Variants in LDHD observed in about 807,000 individuals in gnomAD.
LDHD encodes D-lactate dehydrogenase, mitochondrial.
In LDHD, 58 loss-of-function variants were observed where a neutral mutation model predicts 52.9. The observed-to-expected ratio is 1.10, with a 90% CI of 0.89 to 1.36. The LOEUF is 1.36. LDHD is among the 40% of genes most tolerant of loss of function. The probability of loss-of-function intolerance (pLI) is 0.00; values close to 1 mark genes in which losing one functional copy is unlikely to be tolerated. For missense variants in LDHD, 747 were observed against 668.0 expected (o/e 1.12, Z -1.30); for synonymous variants, 350 against 288.6 (o/e 1.21, Z -2.16).
chr16:75,115,640 G>C lies in LDHD; in HGVS notation c.93C>G (p.Phe31Leu). The change falls in exon 2 of 11, where the codon TTC becomes TTG. Residue 31 changes from phenylalanine to leucine, a missense_variant. Physicochemically the swap from Phe to Leu is conservative, Grantham distance 22 (BLOSUM62 0). Transcript: ENST00000450168. ...QKAKGELCRD[F>L]VEALKAVVGG... ...CCACCACGGCCTTCAGAGCCTCTAC[G>C]AAGTCCCTGCAGAGCTCTCCCTGCA... 3.1e-6 allele frequency: 5 copies of C among 1,610,222 alleles called. No individual in the cohort carries two copies. The highest frequency in any genetic ancestry group is 4.2e-6 in the Non-Finnish European group (5 of 1,178,510).
At chr16:75,113,009 G>T in intron 8 of LDHD, 85 bp from the exon 9 acceptor site, 2 of 951,958 alleles carry the variant, frequency 2.1e-6, no homozygotes, top group Non-Finnish European at 3.3e-6. Context: ...GGGTCGGAGG[G>T]CACTGGGCTT....
Position 75,116,709 on chromosome 16 carries a change from C to T in LDHD, c.12G>A (p.Leu4=), listed in dbSNP as rs376453813. ...ACAGCTCCCAGGTTGCAGACCTGAG[C>T]AGTCGGGCCATAGCCAGGCACTGGC... is the stretch of plus-strand genomic sequence containing the variant. MAR[L]LRSATWELFP... The change falls in exon 1 of 11, where the codon CTG becomes CTA. Residue 4 remains leucine (L), a synonymous_variant. Coordinates refer to ENST00000450168, the MANE Select transcript of LDHD (RefSeq NM_194436.3). The T allele has an allele frequency of 3.8e-5, 60 of 1,593,212 alleles. No individual in the cohort carries two copies. In the African/African-American group the frequency reaches 7.3e-4, roughly 19 times the overall value.
rs184025651 is a variant in LDHD, at chr16:75,114,624, C to G, written c.531G>C (p.Ala177=). ...MAATGASGTN[A]VRYGTMRDNV... is the part of the protein sequence containing the mutation. ...TGTCCCGCATGGTGCCGTAGCGGAC[C>G]GCGTTGGTCCCCGACGCCCCGGTGG... is the stretch of plus-strand genomic sequence containing the variant. The change falls in exon 5 of 11, where the codon GCG becomes GCC. Residue 177 remains alanine, a synonymous_variant. Transcript: ENST00000450168. The G allele has an allele frequency of 1.9e-3, 2,967 of 1,532,766 alleles. 106 individuals carry two copies. The Admixed American group carries it at 0.054, about 28-fold the overall frequency. The allele number at this position is 1,532,766 out of a possible 1,614,324, so 94.9% of individuals were successfully genotyped here.
At chr16:75,116,126 G>T (rs2036551037) in intron 1 of LDHD, among the ~76,000 whole-genome samples, 1 of 152,096 alleles carries the variant, frequency 6.6e-6, no homozygotes. Flanking sequence ...CTGAGCAACC[G>T]AAAAGATCCC....
At position 75,112,185 on chromosome 16, in the gene LDHD, C is replaced by T. The variant is rs555890309; in HGVS notation, c.*171G>A. 38 of 760,786 alleles carry T rather than the reference C, an allele frequency of 5.0e-5. No individual in the cohort carries two copies. The highest frequency in any genetic ancestry group is 6.2e-5 in the Non-Finnish European group (30 of 484,342). The allele number at this position is 760,786 out of a possible 1,614,324, so 47.1% of individuals were successfully genotyped here. A position where few individuals can be genotyped will look rare whatever the true frequency, so the allele number is the denominator to read the frequency against. ...CAGCCAGAGGGCCAGGGAGGTAACA[C>T]GGTGCTCAGGCTTCTCTCTGGGCCC... is the stretch of plus-strand genomic sequence containing the variant. On this transcript the variant is annotated 3_prime_UTR_variant, in exon 11 of 11. Transcript: ENST00000450168.
At position 75,116,754 on chromosome 16, in the gene LDHD, G is replaced by A. The variant is rs754425742; in HGVS notation, c.-34C>T. ...ACTGGCCAGAGGGTGTGAGCACTGG[G>A]TGGCAGGGTGACCAGTCAGCTACTG... is the stretch of plus-strand genomic sequence containing the variant. On this transcript the variant is annotated 5_prime_UTR_variant, in exon 1 of 11. Transcript: ENST00000450168. 2.1e-6 allele frequency: 3 copies of A among 1,446,574 alleles called. No individual in the cohort carries two copies. The highest frequency in any genetic ancestry group is 1.8e-4 in the Middle Eastern group (1 of 5,668). 89.6% of individuals were successfully genotyped at this position (1,446,574 alleles called of 1,614,324 possible). A position where few individuals can be genotyped will look rare whatever the true frequency, so the allele number is the denominator to read the frequency against.
intron 4 of LDHD, 68 bp from the exon 5 acceptor site, chr16:75,114,753 G>A (rs1214389880): frequency 1.3e-6 from 2 of 1,567,026 alleles, no homozygotes; most frequent in South Asian, 1.2e-5. Context: ...GGGGGAGGAA[G>A]GTCCCCTGAA....
intron 6 of LDHD, 29 bp downstream of exon 6, chr16:75,113,937 C>T: frequency 6.2e-7 from 1 of 1,606,574 alleles, no homozygotes; most frequent in East Asian, 2.2e-5. Flanking sequence ...CCAGGGAGCC[C>T]ACCCTGACTG....
chr16:75,116,433 G>C (rs80303707), intron 1 of LDHD, among the ~76,000 whole-genome samples: 60 of 152,270 alleles, frequency 3.9e-4, no homozygotes, highest in African/African-American at 1.0e-3. Flanking sequence ...GCATCCATTT[G>C]ACTCCCCCAG....
In LDHD at chr16:75,113,505, G is replaced by A. The variant is rs1402510725; in HGVS notation, c.1086+30C>T. ...GAAAGGGTTTGTGGGCCGAGCTGTG[G>A]GCCCCATCTGTACCCCAGCCCCAGC... On this transcript the variant is annotated intron_variant, in intron 8 of 10. Coordinates refer to ENST00000450168, the MANE Select transcript of LDHD (RefSeq NM_194436.3). The A allele has an allele frequency of 3.2e-6, 5 of 1,584,258 alleles. No individual in the cohort carries two copies. The Admixed American group carries it at 5.4e-5, about 17-fold the overall frequency.
Position 75,114,900 on chromosome 16 carries a change from C to G in LDHD, c.396G>C (p.Val132=), listed in dbSNP as rs756986498. 6.2e-7 allele frequency: 1 copy of G among 1,614,066 alleles called. No individual in the cohort carries two copies. The highest frequency in any genetic ancestry group is 2.2e-5 in the East Asian group (1 of 44,882). The stretch of plus-strand genomic sequence containing the variant: ...TGCGGGTGACACCTGGCTCCACCAC[C>G]ACAGAGAAGTCCTCCTGGTTCAGCT... ...ILELNQEDFS[V]VVEPGVTRKA... Residue 132 remains valine, a synonymous_variant, in exon 4 of 11, where the codon GTG becomes GTC. Coordinates refer to ENST00000450168, the MANE Select transcript of LDHD (RefSeq NM_194436.3).
rs907380327 is a variant in LDHD, at chr16:75,114,571, G to A, written c.584C>T (p.Pro195Leu). 3 of 1,531,874 alleles carry A rather than the reference G, an allele frequency of 2.0e-6. No homozygotes were observed. The African/African-American group carries it at 4.1e-5, about 21-fold the overall frequency. 94.9% of individuals were successfully genotyped at this position (1,531,874 alleles called of 1,614,324 possible). A position where few individuals can be genotyped will look rare whatever the true frequency, so the allele number is the denominator to read the frequency against. The change falls in exon 5 of 11, where the codon CCC (proline) becomes CTC (leucine). Residue 195 changes from proline (P) to leucine (L), a missense_variant. By Grantham distance (98) the Pro-to-Leu change is moderately conservative (BLOSUM62 -3). Transcript: ENST00000450168. ...DNVLNLEVVL[P>L]DGRLLHTAGR... ...CGCCGTGTGCAGCAGCCGCCCGTCG[G>A]GCAGCACCACCTCCAGGTTGAGCAC... is the stretch of plus-strand genomic sequence containing the variant.
Position 75,112,252 on chromosome 16 carries a change from G to T in LDHD, c.*104C>A. ...GATACAGTGGGCTCGCTGGCAGGAA[G>T]ACTGCCTCAGCATCTATTTCCTTGC... On this transcript the variant is annotated 3_prime_UTR_variant, in exon 11 of 11. Coordinates refer to ENST00000450168, the MANE Select transcript of LDHD (RefSeq NM_194436.3). 1 of 1,360,162 alleles carries T rather than the reference G, an allele frequency of 7.4e-7. No homozygotes were observed. The highest frequency in any genetic ancestry group is 1.0e-6 in the Non-Finnish European group (1 of 991,768). The allele number at this position is 1,360,162 out of a possible 1,614,324, so 84.3% of individuals were successfully genotyped here.
Position 75,114,045 on chromosome 16 carries a change from C to T in LDHD, c.750G>A (p.Thr250=), listed in dbSNP as rs561330205. 39 of 1,609,682 alleles carry T rather than the reference C, an allele frequency of 2.4e-5. No individual in the cohort carries two copies. The South Asian group carries it at 3.6e-4, about 15-fold the overall frequency. The part of the protein sequence containing the change: ...HPAPEATVAA[T]CAFPSVQAAV... ...CAGCCTGGACACTGGGGAACGCACA[C>T]GTGGCGGCCACTGTGGCCTCAGGGG... The change falls in exon 6 of 11, where the codon ACG becomes ACA. Residue 250 remains threonine (T), a synonymous_variant. Coordinates refer to ENST00000450168, the MANE Select transcript of LDHD (RefSeq NM_194436.3).
chr16:75,112,440 C>T lies in LDHD; in HGVS notation c.1371G>A (p.Val457=), dbSNP rs1248167974. Residue 457 remains valine, a synonymous_variant, in exon 11 of 11, where the codon GTG becomes GTA. Transcript: ENST00000450168. ...GCATGGTCTCCACGCCCACGGCGCC[C>T]ACCTCCTCCTGCAGCAGCTGCCGCT... ...MGKRQLLQEE[V]GAVGVETMRQ... is the part of the protein sequence containing the mutation. 12 of 1,613,354 alleles carry T rather than the reference C, an allele frequency of 7.4e-6. No individual in the cohort carries two copies. Among genetic ancestry groups the T allele is most frequent in the South Asian group, 1.1e-5 (1 of 91,086 alleles).
chr16:75,114,597 G>C lies in LDHD; in HGVS notation c.558C>G (p.Asn186Lys). ...GCAGCACCACCTCCAGGTTGAGCACGTTGTCCCGCATGGTGCCGTAGCGGA... is the reference window on the plus strand; with the variant it reads ...GCAGCACCACCTCCAGGTTGAGCACCTTGTCCCGCATGGTGCCGTAGCGGA... ...NAVRYGTMRD[N>K]VLNLEVVLPD... The change falls in exon 5 of 11, where the codon AAC becomes AAG. Residue 186 changes from asparagine to lysine, a missense_variant. Asn to Lys is a moderately conservative substitution (Grantham distance 94). Transcript: ENST00000450168. The C allele has an allele frequency of 6.5e-7, 1 of 1,534,540 alleles. No individual in the cohort carries two copies.
chr16:75,113,487 T>C (rs888136527), intron 8 of LDHD, 48 bp downstream of exon 8: 3 of 1,559,008 alleles, frequency 1.9e-6, no homozygotes, highest in African/African-American at 1.4e-5. Context: ...GAGGAAAGGG[T>C]TTGTGGGCCG....
chr16:75,112,604 G>GGCTTTGCT lies in LDHD; in HGVS notation c.1286_1287insAGCAAAGC (p.Arg430AlafsTer46), dbSNP rs1480843805. ...CCCCTCCCTGGCTTTGCTCCTACCT[G>GGCTTTGCT]CCCAGCTGTTCTGCAAAAGCCTTGA... On this transcript the variant is annotated frameshift_variant, in exon 10 of 11. Coordinates refer to ENST00000450168, the MANE Select transcript of LDHD (RefSeq NM_194436.3). LOFTEE classifies it high-confidence loss of function. The GGCTTTGCT allele has an allele frequency of 6.2e-7, 1 of 1,613,996 alleles. No individual in the cohort carries two copies. Among genetic ancestry groups the GGCTTTGCT allele is most frequent in the Non-Finnish European group, 8.5e-7 (1 of 1,179,970 alleles).
intron 4 of LDHD, 57 bp from the exon 5 acceptor site, chr16:75,114,742 TG>T: frequency 1.3e-6 from 2 of 1,561,764 alleles, no homozygotes; most frequent in Non-Finnish European, 1.7e-6. Flanking sequence ...TCCCTCGGGC[TG>T]GGGGAGGAAG....
Sources: allele counts gnomAD v4.1 joint callset (sites outside exome capture counted in the v4.1 genomes callset), GRCh38; gene constraint gnomAD v4.1.1; transcripts MANE v1.5; gene names NCBI Gene and HGNC (gene_info 2026-07-23, HGNC 2026-07-21).